Variants in CNTNAP2 observed in about 807,000 individuals in gnomAD.
CNTNAP2 encodes contactin-associated protein-like 2.
In CNTNAP2, 98 loss-of-function variants were observed where a neutral mutation model predicts 155.2. The observed-to-expected ratio is 0.63, with a 90% CI of 0.54 to 0.75. CNTNAP2 has a LOEUF of 0.75. CNTNAP2 is among the 30% of genes least tolerant of loss of function. The pLI, the probability that CNTNAP2 is intolerant of heterozygous loss-of-function variation, is 0.00. For missense variants in CNTNAP2, 1,727 were observed against 1,688.1 expected (o/e 1.02, Z -0.40); for synonymous variants, 651 against 631.2 (o/e 1.03, Z -0.47).
At position 146,326,287 on chromosome 7, in the gene CNTNAP2, A is replaced by G. The variant is rs576250728; in HGVS notation, c.97+209314A>G. 0.012 allele frequency among the ~76,000 whole-genome samples: 6 copies of G among 502 alleles called. No homozygotes were observed. In the South Asian group the frequency reaches 0.43, roughly 36 times the overall value. The allele number at this position is 502 out of a possible 152,430, so 0.3% of individuals were successfully genotyped here. A position where few individuals can be genotyped will look rare whatever the true frequency, so the allele number is the denominator to read the frequency against. ...TTGCATTAATTTTTCACTCATTTAT[A>G]TACACGATTCAGAAAATCAATAAAC... is the stretch of plus-strand genomic sequence containing the variant. On this transcript the variant is annotated intron_variant, in intron 1 of 23. Transcript: ENST00000361727.
At chr7:148,210,255 C>G (rs758487286) in intron 18 of CNTNAP2, among the ~76,000 whole-genome samples, 1 of 152,192 alleles carries the variant, frequency 6.6e-6, no homozygotes, top group Non-Finnish European at 1.5e-5. Flanking sequence ...CTTGGCCTCC[C>G]CATGTCCCAC....
At chr7:147,371,644 G>A (rs1261507130) in intron 9 of CNTNAP2, among the ~76,000 whole-genome samples, 1 of 151,954 alleles carries the variant, frequency 6.6e-6, no homozygotes, top group African/African-American at 2.4e-5. Context: ...AGATTCACAG[G>A]GCAGTAACTA....
intron 15 of CNTNAP2, among the ~76,000 whole-genome samples, chr7:148,019,088 C>T (rs1802231723): frequency 1.3e-5 from 2 of 152,198 alleles, no homozygotes; most frequent in South Asian, 4.1e-4. Context: ...TAGAGTTCAG[C>T]CCTGAATACC....
At chr7:146,593,954 A>T (rs558010546) in intron 1 of CNTNAP2, among the ~76,000 whole-genome samples, 3 of 152,124 alleles carry the variant, frequency 2.0e-5, no homozygotes, top group Non-Finnish European at 4.4e-5. Context: ...TCTGATCACC[A>T]TCAATATCTA....
intron 1 of CNTNAP2, among the ~76,000 whole-genome samples, chr7:146,229,220 A>G (rs1799344462): frequency 6.6e-6 from 1 of 152,316 alleles, no homozygotes; most frequent in African/African-American, 2.4e-5. Flanking sequence ...GGGGTATAAA[A>G]GCAGAAATAT....
chr7:146,790,130 CTTCT>C (rs932056595), intron 2 of CNTNAP2, among the ~76,000 whole-genome samples: 3 of 152,070 alleles, frequency 2.0e-5, no homozygotes, highest in Admixed American at 6.6e-5. Flanking sequence ...TTCTCCCAAA[CTTCT>C]TTCTATCAAG....
intron 21 of CNTNAP2, among the ~76,000 whole-genome samples, chr7:148,337,814 CAGTG>C (rs1209889991): frequency 4.6e-5 from 7 of 152,210 alleles, no homozygotes; most frequent in Non-Finnish European, 1.0e-4. Flanking sequence ...GGTGTCTCCA[CAGTG>C]AGTAAGCTCT....
At chr7:146,516,459 C>T (rs935005737) in intron 1 of CNTNAP2, among the ~76,000 whole-genome samples, 1 of 151,888 alleles carries the variant, frequency 6.6e-6, no homozygotes. Context: ...AAATTTTCCT[C>T]ATATGGAAGT....
chr7:147,514,410 A>G (rs1384440116), intron 11 of CNTNAP2, among the ~76,000 whole-genome samples: 1 of 151,950 alleles, frequency 6.6e-6, no homozygotes, highest in East Asian at 1.9e-4. Flanking sequence ...ATAGGTTTCA[A>G]TATTTAAATA....
intron 15 of CNTNAP2, among the ~76,000 whole-genome samples, chr7:148,061,093 T>G (rs1467972012): frequency 6.6e-6 from 1 of 152,126 alleles, no homozygotes; most frequent in Non-Finnish European, 1.5e-5. Flanking sequence ...ATGTCTGAGG[T>G]GTAAGAAGTA....
intron 1 of CNTNAP2, among the ~76,000 whole-genome samples, chr7:146,608,882 T>C (rs1052396571): frequency 6.6e-6 from 1 of 152,128 alleles, no homozygotes; most frequent in Non-Finnish European, 1.5e-5. Flanking sequence ...CCTCTTACTT[T>C]CTCCTAAACT....
At chr7:146,889,595 G>A (rs1211122290) in intron 3 of CNTNAP2, among the ~76,000 whole-genome samples, 1 of 152,078 alleles carries the variant, frequency 6.6e-6, no homozygotes, top group Non-Finnish European at 1.5e-5. Context: ...TAAATAAAAT[G>A]TACATTTCCA....
chr7:147,954,553 G>A (rs1800988174), intron 14 of CNTNAP2, among the ~76,000 whole-genome samples: 1 of 152,036 alleles, frequency 6.6e-6, no homozygotes, highest in Non-Finnish European at 1.5e-5. Context: ...TTGATTCAGT[G>A]TTATGCATCT....
At chr7:147,324,897 A>G (rs943227402) in intron 9 of CNTNAP2, among the ~76,000 whole-genome samples, 1 of 152,202 alleles carries the variant, frequency 6.6e-6, no homozygotes, top group Non-Finnish European at 1.5e-5. Context: ...ATATGTACCA[A>G]CTAGGAAAAA....
At chr7:146,369,037 A>G (rs1584892525) in intron 1 of CNTNAP2, among the ~76,000 whole-genome samples, 1 of 115,812 alleles carries the variant, frequency 8.6e-6, no homozygotes, top group African/African-American at 3.8e-5. Flanking sequence ...ATGTATATAT[A>G]TATATATATA....
intron 3 of CNTNAP2, among the ~76,000 whole-genome samples, chr7:146,914,825 C>CTTTGTTTT (rs567701237): frequency 1.3e-5 from 2 of 151,518 alleles, no homozygotes; most frequent in African/African-American, 4.8e-5. Context: ...ATCAATTTAT[C>CTTTGTTTT]TTTGTTTTTT....
intron 4 of CNTNAP2, chr7:147,081,539 C>T (rs1207807777): frequency 6.6e-6 from 1 of 151,948 alleles, no homozygotes; most frequent in Non-Finnish European, 1.5e-5. Flanking sequence ...CCCTCAGACT[C>T]CTGAGTAGCT....
intron 9 of CNTNAP2, among the ~76,000 whole-genome samples, chr7:147,305,656 G>A (rs1223990352): frequency 1.3e-5 from 2 of 152,178 alleles, no homozygotes; most frequent in Non-Finnish European, 2.9e-5. Context: ...AATGATATAA[G>A]TTAGACAATG....
chr7:146,903,370 C>A (rs1327682969), intron 3 of CNTNAP2, among the ~76,000 whole-genome samples: 1 of 152,190 alleles, frequency 6.6e-6, no homozygotes, highest in African/African-American at 2.4e-5. Flanking sequence ...GCTCCCAACT[C>A]AGCAAATTGC....
Sources: allele counts gnomAD v4.1 joint callset (sites outside exome capture counted in the v4.1 genomes callset), GRCh38; gene constraint gnomAD v4.1.1; transcripts MANE v1.5; gene names NCBI Gene and HGNC (gene_info 2026-07-23, HGNC 2026-07-21).